PACRG: variants seen among roughly 807,000 people sequenced by gnomAD.
PACRG encodes the protein parkin coregulated.
PACRG carries 29 observed loss-of-function variants against 29.7 expected under a neutral mutation model. That is an observed-to-expected ratio of 0.98 (90% confidence interval 0.73 to 1.33). The LOEUF (loss-of-function observed/expected upper bound fraction) is 1.33. Among genes scored for constraint, PACRG ranks in the 40% most tolerant of loss-of-function variants. The probability of loss-of-function intolerance (pLI) is 0.00; values close to 1 mark genes in which losing one functional copy is unlikely to be tolerated. For missense variants in PACRG, 279 were observed against 316.2 expected, an observed-to-expected ratio of 0.88 and a Z score of 0.89; for synonymous variants, 116 against 118.7, an observed-to-expected ratio of 0.98 and a Z score of 0.15.
At chr6:162,966,995 T>C (rs185897872) in intron 2 of PACRG, among the ~76,000 whole-genome samples, 2 of 152,326 alleles carry the variant, frequency 1.3e-5, no homozygotes, top group Admixed American at 1.3e-4. Flanking sequence ...CCGTACAGCT[T>C]CAGGGCAACT....
chr6:163,271,636 C>T (rs570440121), intron 4 of PACRG, among the ~76,000 whole-genome samples: 26 of 152,156 alleles, frequency 1.7e-4, no homozygotes, highest in Admixed American at 3.9e-4. Context: ...TTTGAGATGA[C>T]GCATGTATAT....
Position 162,738,378 on chromosome 6 carries a change from G to A in PACRG, c.156+9987G>A, listed in dbSNP as rs113590174. Among the ~76,000 whole-genome samples the A allele has an allele frequency of 4.8e-3, 736 of 152,292 alleles. 6 individuals carry two copies. The highest frequency in any genetic ancestry group is 0.016 in the African/African-American group (665 of 41,562). ...TAATAGCAGAATGCTATCAGTGTACGTAAGACGTTCAGATGTGACTTTCCC... is the reference window on the plus strand; with the variant it reads ...TAATAGCAGAATGCTATCAGTGTACATAAGACGTTCAGATGTGACTTTCCC... On this transcript the variant is annotated intron_variant, in intron 1 of 4. Coordinates refer to ENST00000366888, the MANE Select transcript of PACRG (RefSeq NM_001080379.2).
At chr6:162,824,810 C>G (rs1369736622) in intron 2 of PACRG, among the ~76,000 whole-genome samples, 1 of 152,146 alleles carries the variant, frequency 6.6e-6, no homozygotes, top group Non-Finnish European at 1.5e-5. Flanking sequence ...GATCACTATT[C>G]AAGGAAGAAA....
chr6:163,148,632 T>C (rs1426556183), intron 4 of PACRG, among the ~76,000 whole-genome samples: 3 of 152,138 alleles, frequency 2.0e-5, no homozygotes, highest in African/African-American at 7.2e-5. Flanking sequence ...ACTCAGAATA[T>C]GGAAAATCGG....
At chr6:163,187,163 A>G (rs1779979228) in intron 4 of PACRG, among the ~76,000 whole-genome samples, 1 of 152,214 alleles carries the variant, frequency 6.6e-6, no homozygotes, top group Non-Finnish European at 1.5e-5. Flanking sequence ...ACTGTATGTG[A>G]TACAACACCT....
At chr6:163,296,311 G>C (rs1267592735) in intron 4 of PACRG, among the ~76,000 whole-genome samples, 1 of 151,450 alleles carries the variant, frequency 6.6e-6, no homozygotes, top group Non-Finnish European at 1.5e-5. Context: ...TTTTTTTTGA[G>C]ACGGAATCTC....
chr6:162,901,984 C>T lies in PACRG; in HGVS notation c.291+87703C>T, dbSNP rs150764479. Reference sequence around the variant, plus strand: ...GGCATAGTAAAGAACAATGCCCAGGCGTATTGCCTGATGGGAATGTGGCCT... The same window carrying T: ...GGCATAGTAAAGAACAATGCCCAGGTGTATTGCCTGATGGGAATGTGGCCT... On this transcript the variant is annotated intron_variant, in intron 2 of 4. Transcript: ENST00000366888. 5.9e-3 allele frequency among the ~76,000 whole-genome samples: 901 copies of T among 152,282 alleles called. 5 individuals carry two copies. Among genetic ancestry groups the T allele is most frequent in the Admixed American group, 7.9e-3 (121 of 15,302 alleles).
intron 2 of PACRG, among the ~76,000 whole-genome samples, chr6:162,966,311 T>C (rs1801014757): frequency 6.6e-6 from 1 of 152,204 alleles, no homozygotes; most frequent in African/African-American, 2.4e-5. Context: ...TTTGCTTCTC[T>C]TTCAATTAGA....
chr6:163,271,543 T>G (rs980991390), intron 4 of PACRG, among the ~76,000 whole-genome samples: 1 of 152,238 alleles, frequency 6.6e-6, no homozygotes, highest in Non-Finnish European at 1.5e-5. Context: ...ATTATCCTAA[T>G]GCAAGGTGTC....
At chr6:162,894,428 G>A (rs1192499366) in intron 2 of PACRG, among the ~76,000 whole-genome samples, 1 of 152,156 alleles carries the variant, frequency 6.6e-6, no homozygotes, top group Admixed American at 6.6e-5. Flanking sequence ...TTTGATCATT[G>A]TATCATTATT....
intron 4 of PACRG, among the ~76,000 whole-genome samples, chr6:163,249,659 G>A (rs749660285): frequency 4.6e-5 from 7 of 152,154 alleles, no homozygotes; most frequent in Non-Finnish European, 7.3e-5. Context: ...AGATTGTGTC[G>A]GATGCCAGGC....
At chr6:162,727,512 C>A, upstream of PACRG, 1 of 859,114 alleles carries the variant, frequency 1.2e-6, no homozygotes. Flanking sequence ...AGCTGGGGAG[C>A]CCGGCGGCGC....
intron 3 of PACRG, among the ~76,000 whole-genome samples, chr6:163,067,368 G>A (rs995350514): frequency 8.5e-5 from 13 of 152,214 alleles, no homozygotes; most frequent in African/African-American, 3.1e-4. Flanking sequence ...ACATGGGTGG[G>A]AGGGGAAGAG....
chr6:163,079,127 T>A (rs1218766142), intron 3 of PACRG, among the ~76,000 whole-genome samples: 1 of 152,150 alleles, frequency 6.6e-6, no homozygotes, highest in East Asian at 1.9e-4. Context: ...AGTAATGAGA[T>A]TATACAAATA....
intron 4 of PACRG, among the ~76,000 whole-genome samples, chr6:163,182,432 A>G (rs916265887): frequency 2.0e-5 from 3 of 152,222 alleles, no homozygotes; most frequent in Admixed American, 6.5e-5. Context: ...GATATAGATG[A>G]GACTCATTGT....
chr6:162,898,963 G>A (rs1277693547), intron 2 of PACRG, among the ~76,000 whole-genome samples: 1 of 152,148 alleles, frequency 6.6e-6, no homozygotes, highest in Non-Finnish European at 1.5e-5. Context: ...TTTAACTGAT[G>A]TCTAATATGA....
chr6:162,767,746 T>C (rs1045608011), intron 1 of PACRG, among the ~76,000 whole-genome samples: 2 of 152,016 alleles, frequency 1.3e-5, no homozygotes, highest in Non-Finnish European at 2.9e-5. Flanking sequence ...TTTTAACTGA[T>C]TACTTTGTTA....
At chr6:162,940,347 T>C (rs1167978652) in intron 2 of PACRG, among the ~76,000 whole-genome samples, 1 of 152,120 alleles carries the variant, frequency 6.6e-6, no homozygotes, top group East Asian at 1.9e-4. Context: ...CTGCTCTTTA[T>C]ATCTGACTGT....
chr6:163,305,841 G>C (rs1373545364), intron 4 of PACRG, among the ~76,000 whole-genome samples: 1 of 152,198 alleles, frequency 6.6e-6, no homozygotes, highest in Non-Finnish European at 1.5e-5. Context: ...AGTGGCTACA[G>C]TATCTCCCCA....
Sources: allele counts gnomAD v4.1 joint callset (sites outside exome capture counted in the v4.1 genomes callset), GRCh38; gene constraint gnomAD v4.1.1; transcripts MANE v1.5; gene names NCBI Gene and HGNC (gene_info 2026-07-23, HGNC 2026-07-21).